BLTP3B: variants seen among roughly 807,000 people sequenced by gnomAD.
BLTP3B encodes the protein bridge-like lipid transfer protein family member 3B.
the BLTP3B span, among the ~76,000 whole-genome samples, chr12:100,095,090 G>C: frequency 3.9e-5 from 6 of 152,120 alleles, no homozygotes; most frequent in Non-Finnish European, 8.8e-5. Context: ...TAAAGACCTT[G>C]ATGTACTGGT....
chr12:100,088,150 T>C, the BLTP3B span, among the ~76,000 whole-genome samples: 14 of 152,154 alleles, frequency 9.2e-5, no homozygotes, highest in Admixed American at 3.3e-4. Flanking sequence ...TTTGTAGATA[T>C]AGATCCTGAT....
At chr12:100,138,730 G>A in the BLTP3B span, among the ~76,000 whole-genome samples, 11 of 152,326 alleles carry the variant, frequency 7.2e-5, no homozygotes, top group South Asian at 2.3e-3. Context: ...TAGCCTAAGG[G>A]AGCGAAGGAG....
the BLTP3B span, among the ~76,000 whole-genome samples, chr12:100,118,284 C>G: frequency 6.6e-6 from 1 of 151,870 alleles, no homozygotes; most frequent in Non-Finnish European, 1.5e-5. Context: ...TCTAGCTACT[C>G]AGGAGGCTGA....
At chr12:100,052,796 T>TTTG in the BLTP3B span, among the ~76,000 whole-genome samples, 4 of 147,464 alleles carry the variant, frequency 2.7e-5, no homozygotes, top group Non-Finnish European at 6.0e-5. Context: ...TTCTGTTTTT[T>TTTG]TTTTTTTTTT....
chr12:100,073,069 T>C, the BLTP3B span, among the ~76,000 whole-genome samples: 1 of 152,212 alleles, frequency 6.6e-6, no homozygotes, highest in Non-Finnish European at 1.5e-5. Flanking sequence ...TACAAACTTA[T>C]TATTGTGAGC....
the BLTP3B span, among the ~76,000 whole-genome samples, chr12:100,055,212 A>G: frequency 6.6e-6 from 1 of 152,194 alleles, no homozygotes; most frequent in Admixed American, 6.5e-5. Context: ...TTCAAATGCT[A>G]AACTCTACTA....
chr12:100,059,964 T>C, the BLTP3B span: 1 of 1,613,196 alleles, frequency 6.2e-7, no homozygotes, highest in East Asian at 2.2e-5. Flanking sequence ...CCAACAGAAA[T>C]TGATTTAACC....
At chr12:100,136,525 G>A in the BLTP3B span, among the ~76,000 whole-genome samples, 1 of 151,970 alleles carries the variant, frequency 6.6e-6, no homozygotes, top group African/African-American at 2.4e-5. Context: ...ATATATATAT[G>A]TGCTCAAAAA....
the BLTP3B span, chr12:100,058,569 C>G: frequency 1.2e-6 from 2 of 1,612,610 alleles, no homozygotes; most frequent in African/African-American, 2.7e-5. Context: ...CAAAAAATCC[C>G]CATTTTCTGT....
At chr12:100,090,327 A>G in the BLTP3B span, among the ~76,000 whole-genome samples, 9 of 152,226 alleles carry the variant, frequency 5.9e-5, no homozygotes, top group Admixed American at 3.3e-4. Context: ...GAAATAGTAT[A>G]GAACCCTGTT....
the BLTP3B span, among the ~76,000 whole-genome samples, chr12:100,071,361 T>C: frequency 6.6e-6 from 1 of 151,568 alleles, no homozygotes; most frequent in African/African-American, 2.4e-5. Context: ...GCCGGGAGTG[T>C]TGGCACACAC....
the BLTP3B span, among the ~76,000 whole-genome samples, chr12:100,138,564 A>G: frequency 6.6e-6 from 1 of 152,242 alleles, no homozygotes; most frequent in African/African-American, 2.4e-5. Flanking sequence ...ACAATTAAAA[A>G]TATCTCCAGA....
chr12:100,069,860 TA>T, the BLTP3B span: 4 of 765,380 alleles, frequency 5.2e-6, no homozygotes, highest in Non-Finnish European at 6.4e-6. Context: ...CCTATGGAAA[TA>T]AAAAATTTTT....
chr12:100,103,300 GA>G, the BLTP3B span, among the ~76,000 whole-genome samples: 1 of 151,614 alleles, frequency 6.6e-6, no homozygotes, highest in African/African-American at 2.4e-5. Flanking sequence ...CAGGAAATGT[GA>G]AAAAAAATAA....
chr12:100,087,105 G>A, the BLTP3B span, among the ~76,000 whole-genome samples: 1 of 141,224 alleles, frequency 7.1e-6, no homozygotes, highest in African/African-American at 2.7e-5. Context: ...GCTGCAGTGA[G>A]CCGAGTTTGA....
chr12:100,112,140 G>T, the BLTP3B span, among the ~76,000 whole-genome samples: 13 of 152,274 alleles, frequency 8.5e-5, no homozygotes, highest in African/African-American at 3.1e-4. Context: ...AACCAAAAAA[G>T]CCTGGCCTGG....
At chr12:100,041,054 A>T in the BLTP3B span, among the ~76,000 whole-genome samples, 1 of 152,252 alleles carries the variant, frequency 6.6e-6, no homozygotes. Flanking sequence ...TATAGACATA[A>T]TCATCAACAA....
At chr12:100,059,940 A>T in the BLTP3B span, 2 of 1,612,704 alleles carry the variant, frequency 1.2e-6, no homozygotes, top group Non-Finnish European at 8.5e-7. Flanking sequence ...ACTGATTAAG[A>T]CTCTGTTTTA....
chr12:100,139,745 C>T, the BLTP3B span, among the ~76,000 whole-genome samples: 1 of 152,190 alleles, frequency 6.6e-6, no homozygotes, highest in African/African-American at 2.4e-5. Flanking sequence ...CTACTTTATG[C>T]CAGCCTCAAG....
Sources: gnomAD v4.1 joint callset for allele counts (sites outside exome capture counted in the v4.1 genomes callset) on GRCh38, gnomAD v4.1.1 for gene constraint, MANE v1.5 for transcripts, NCBI Gene and HGNC (gene_info 2026-07-23, HGNC 2026-07-21) for gene names.